Variants in RSPH14 observed in about 807,000 individuals in gnomAD.
RSPH14 encodes radial spoke head 14 homolog, also known as rhabdoid tumor deletion region gene 1.
RSPH14 carries 20 observed loss-of-function variants against 26.7 expected under a neutral mutation model. That is an observed-to-expected ratio of 0.75 (90% confidence interval 0.53 to 1.09). The LOEUF (loss-of-function observed/expected upper bound fraction) is 1.09, where lower values mean the gene tolerates loss of function less well. Among genes scored for constraint, RSPH14 ranks in the 50% least tolerant of loss-of-function variants. RSPH14 has a pLI of 0.00. For synonymous variants in RSPH14, 177 were observed against 189.3 expected (o/e 0.93, Z 0.53); for missense variants, 449 against 457.2 (o/e 0.98, Z 0.16).
In RSPH14 at chr22:23,067,382, C is replaced by T. The variant is rs1487876118; in HGVS notation, c.422-3249G>A. 2.6e-5 allele frequency among the ~76,000 whole-genome samples: 4 copies of T among 152,198 alleles called. No individual in the cohort carries two copies. In the East Asian group the frequency reaches 7.7e-4, roughly 29 times the overall value. On this transcript the variant is annotated intron_variant, in intron 4 of 6. Coordinates refer to ENST00000216036, the MANE Select transcript of RSPH14 (RefSeq NM_014433.3). Reference sequence around the variant, plus strand: ...GCTGTTGTCTCCCAGCCAATGAGGGCTCAGGACAGAGCACCAGCACCCAGG... The same window carrying T: ...GCTGTTGTCTCCCAGCCAATGAGGGTTCAGGACAGAGCACCAGCACCCAGG...
intron 5 of RSPH14, among the ~76,000 whole-genome samples, chr22:23,063,690 G>C (rs1481317098): frequency 6.6e-6 from 1 of 152,210 alleles, no homozygotes; most frequent in East Asian, 1.9e-4. Flanking sequence ...TCCAGGCTGA[G>C]GGGTTTCCTG....
intron 4 of RSPH14, chr22:23,096,507 C>A: frequency 7.3e-7 from 1 of 1,372,078 alleles, no homozygotes; most frequent in Non-Finnish European, 9.9e-7. Flanking sequence ...GGACAGTCTG[C>A]AGCCAGAAAG....
intron 4 of RSPH14, among the ~76,000 whole-genome samples, chr22:23,072,371 A>G (rs1216208695): frequency 5.3e-5 from 8 of 152,038 alleles, no homozygotes. Context: ...ATTCTCTAGG[A>G]ATGAGGAGAT....
chr22:23,174,548 G>A, the RSPH14 span, among the ~76,000 whole-genome samples: 1 of 152,096 alleles, frequency 6.6e-6, no homozygotes, highest in Admixed American at 6.5e-5. Flanking sequence ...TATGGATTGG[G>A]GATGCTGGAA....
chr22:23,152,026 G>A, the RSPH14 span, among the ~76,000 whole-genome samples: 1 of 152,336 alleles, frequency 6.6e-6, no homozygotes, highest in Admixed American at 6.5e-5. Context: ...ATAGGAGGGT[G>A]AGGGGCTGCC....
chr22:23,114,267 G>A (rs1264942976), intron 4 of RSPH14, among the ~76,000 whole-genome samples: 1 of 152,184 alleles, frequency 6.6e-6, no homozygotes, highest in Non-Finnish European at 1.5e-5. Context: ...CTGAATTCAC[G>A]GTTCGGATGA....
intron 4 of RSPH14, among the ~76,000 whole-genome samples, chr22:23,126,556 A>G (rs942174595): frequency 6.6e-6 from 1 of 152,182 alleles, no homozygotes; most frequent in Admixed American, 6.5e-5. Context: ...AACTCCATTG[A>G]GCAGCTCAAG....
intron 5 of RSPH14, among the ~76,000 whole-genome samples, chr22:23,062,437 A>G (rs1050388818): frequency 8.5e-5 from 13 of 152,170 alleles, no homozygotes; most frequent in African/African-American, 2.9e-4. Context: ...GAGGATGATG[A>G]ACTCCCCAAA....
In RSPH14 at chr22:23,108,062, G is replaced by A. The variant is rs377577496; in HGVS notation, c.421+25964C>T. Among the ~76,000 whole-genome samples the A allele has an allele frequency of 3.3e-4, 50 of 152,122 alleles. 1 individual carries two copies. The East Asian group carries it at 8.9e-3, about 27-fold the overall frequency. On this transcript the variant is annotated intron_variant, in intron 4 of 6. Coordinates refer to ENST00000216036, the MANE Select transcript of RSPH14 (RefSeq NM_014433.3). ...TCTGGGTGTGAGGCCTGTGCCCCCC[G>A]CCCTGATCCAGCCCATCTGTGGGCC...
intron 4 of RSPH14, among the ~76,000 whole-genome samples, chr22:23,069,436 T>C (rs958747628): frequency 2.0e-5 from 3 of 152,240 alleles, no homozygotes; most frequent in African/African-American, 7.2e-5. Context: ...AGCATGGAAC[T>C]GAGGGACTCC....
chr22:23,146,766 G>A (rs1044553395), upstream of RSPH14: 1 of 1,545,708 alleles, frequency 6.5e-7, no homozygotes, highest in Non-Finnish European at 8.7e-7. Context: ...ATGCCTAGAA[G>A]TAAAGCAGGT....
the RSPH14 span, chr22:23,179,907 G>A: frequency 3.9e-6 from 1 of 258,400 alleles, no homozygotes; most frequent in Admixed American, 5.4e-5. Context: ...TGTGAGGTGT[G>A]AGGAACTTAC....
the RSPH14 span, among the ~76,000 whole-genome samples, chr22:23,154,924 G>A: frequency 4.9e-3 from 751 of 152,152 alleles, 7 homozygotes; most frequent in African/African-American, 0.017. Context: ...TCAGGAGTTC[G>A]AGACCAGCCT....
At chr22:23,156,140 T>TGTGAGAAAA in the RSPH14 span, 1 of 955,892 alleles carries the variant, frequency 1.0e-6, no homozygotes. Flanking sequence ...TTTTTTGTCC[T>TGTGAGAAAA]CCAAGACCCA....
the RSPH14 span, among the ~76,000 whole-genome samples, chr22:23,172,715 C>T: frequency 1.3e-5 from 2 of 150,472 alleles, no homozygotes; most frequent in Non-Finnish European, 1.5e-5. Context: ...TTTGGGAGGC[C>T]GAGGCAGGGT....
intron 4 of RSPH14, among the ~76,000 whole-genome samples, chr22:23,085,893 C>G (rs186351524): frequency 9.8e-5 from 15 of 152,370 alleles, no homozygotes; most frequent in Non-Finnish European, 2.2e-4. Flanking sequence ...CTCTCTCAAT[C>G]CTTCTCCTTC....
chr22:23,118,325 TATAA>T (rs2069909704), intron 4 of RSPH14, among the ~76,000 whole-genome samples: 1 of 152,244 alleles, frequency 6.6e-6, no homozygotes. Context: ...GTGTTATTTA[TATAA>T]ATAAATGTGC....
intron 4 of RSPH14, chr22:23,123,261 G>T: frequency 6.2e-7 from 1 of 1,614,114 alleles, no homozygotes; most frequent in Non-Finnish European, 8.5e-7. Flanking sequence ...GTACGAGGAG[G>T]CCGCTGTCTA....
At chr22:23,139,840 C>G (rs950673795) in intron 2 of RSPH14, among the ~76,000 whole-genome samples, 2 of 152,018 alleles carry the variant, frequency 1.3e-5, no homozygotes, top group African/African-American at 4.8e-5. Context: ...CTGGGAGAAT[C>G]AATTGAGGCC....
Sources: gnomAD v4.1 joint callset for allele counts (sites outside exome capture counted in the v4.1 genomes callset) on GRCh38, gnomAD v4.1.1 for gene constraint, MANE v1.5 for transcripts, NCBI Gene and HGNC (gene_info 2026-07-23, HGNC 2026-07-21) for gene names.